NCAM1: variants seen among roughly 807,000 people sequenced by gnomAD.
The protein encoded by NCAM1 is antigen recognized by monoclonal antibody 5.1H11.
In NCAM1, 14 loss-of-function variants were observed where a neutral mutation model predicts 109.8. The observed-to-expected ratio is 0.13, with a 90% CI of 0.08 to 0.20. The LOEUF is 0.20. Among genes scored for constraint, NCAM1 ranks in the 10% least tolerant of loss-of-function variants. NCAM1 has a pLI of 1.00. For missense variants in NCAM1, 774 were observed against 1,109.9 expected, an observed-to-expected ratio of 0.70 and a Z score of 4.30; for synonymous variants, 418 against 442.9, an observed-to-expected ratio of 0.94 and a Z score of 0.70.
At chr11:113,123,264 A>G (rs1555096430) in intron 1 of NCAM1, among the ~76,000 whole-genome samples, 1 of 152,248 alleles carries the variant, frequency 6.6e-6, no homozygotes, top group East Asian at 1.9e-4. Context: ...TGGATAATCT[A>G]AACACCCTGG....
At chr11:113,155,293 G>T (rs1295675004) in intron 1 of NCAM1, among the ~76,000 whole-genome samples, 2 of 152,046 alleles carry the variant, frequency 1.3e-5, no homozygotes, top group Non-Finnish European at 2.9e-5. Flanking sequence ...CGAGGCGGGT[G>T]GATCACTTGA....
intron 1 of NCAM1, among the ~76,000 whole-genome samples, chr11:113,090,846 G>A (rs1457343910): frequency 2.0e-5 from 3 of 152,210 alleles, no homozygotes; most frequent in African/African-American, 4.8e-5. Context: ...ATGCTTACTA[G>A]CACCTACTGT....
At position 113,199,829 on chromosome 11, in the gene NCAM1, TAAAAA is replaced by T. The variant is rs1555111558; in HGVS notation, c.53-2534_53-2530del. 2.3e-3 allele frequency among the ~76,000 whole-genome samples: 271 copies of T among 115,782 alleles called. 5 individuals are homozygous for T. Among genetic ancestry groups the T allele is most frequent in the African/African-American group, 8.8e-3 (257 of 29,356 alleles). The allele number at this position is 115,782 out of a possible 152,430, so 76.0% of individuals were successfully genotyped here. ...GCAAATAAAGTAAAAGAAACACCCT[TAAAAA>T]AAAAAAAAAAAAAAACTTCTGTGAT... On this transcript the variant is annotated intron_variant, in intron 1 of 19. Coordinates refer to ENST00000316851, the MANE Select transcript of NCAM1 (RefSeq NM_181351.5).
At chr11:113,246,252 A>G in intron 14 of NCAM1, 116 bp from the exon 15 acceptor site, 1 of 630,302 alleles carries the variant, frequency 1.6e-6, no homozygotes, top group South Asian at 1.8e-5. Flanking sequence ...ATTTTTTTGT[A>G]TTTTCCATGT....
intron 1 of NCAM1, among the ~76,000 whole-genome samples, chr11:112,999,532 C>T (rs1472724092): frequency 2.0e-5 from 3 of 151,456 alleles, no homozygotes; most frequent in Admixed American, 1.3e-4. Flanking sequence ...ATGGGGCCTT[C>T]GAGTCTGTCT....
chr11:113,185,068 T>TATATATATATA lies in NCAM1; in HGVS notation c.53-17311_53-17310insATATATATATA, dbSNP rs1555108634. On this transcript the variant is annotated intron_variant, in intron 1 of 19. Coordinates refer to ENST00000316851, the MANE Select transcript of NCAM1 (RefSeq NM_181351.5). ...TATGTGTATGTGTGTGCATTTATAT[T>TATATATATATA]TATATATATATAGAGAGAGAGAGAG... Among the ~76,000 whole-genome samples, 16 of 99,616 alleles carry TATATATATATA rather than the reference T, an allele frequency of 1.6e-4. 1 individual carries two copies. The highest frequency in any genetic ancestry group is 1.5e-3 in the East Asian group (4 of 2,676). 65.4% of individuals were successfully genotyped at this position (99,616 alleles called of 152,430 possible).
chr11:113,261,363 C>T lies in NCAM1; in HGVS notation c.2131+1040C>T, dbSNP rs185745825. ...AACAAAACGGGATCAGTGTGTGGTT[C>T]CCAGTGGTTGTTTGTACATGGATGT... On this transcript the variant is annotated intron_variant, in intron 17 of 19. Coordinates refer to ENST00000316851, the MANE Select transcript of NCAM1 (RefSeq NM_181351.5). 2.6e-5 allele frequency among the ~76,000 whole-genome samples: 4 copies of T among 152,108 alleles called. No individual in the cohort carries two copies. In the East Asian group the frequency reaches 7.8e-4, roughly 30 times the overall value.
chr11:113,198,419 TG>T (rs1943922951), intron 1 of NCAM1, among the ~76,000 whole-genome samples: 1 of 151,804 alleles, frequency 6.6e-6, no homozygotes, highest in Non-Finnish European at 1.5e-5. Flanking sequence ...TCGCCCAGGC[TG>T]GAGTGCAGTG....
At chr11:113,168,146 T>C (rs1390320922) in intron 1 of NCAM1, among the ~76,000 whole-genome samples, 1 of 152,198 alleles carries the variant, frequency 6.6e-6, no homozygotes, top group Non-Finnish European at 1.5e-5. Context: ...TTAATTCAAA[T>C]CCATTTGAAG....
chr11:113,125,732 A>G (rs2012801), intron 1 of NCAM1, among the ~76,000 whole-genome samples: 100,894 of 152,094 alleles, frequency 0.66, 34,608 homozygotes, highest in Middle Eastern at 0.84. Context: ...ACCCTTTGGA[A>G]TTAAAATATT....
chr11:113,122,955 C>T (rs1238405436), intron 1 of NCAM1, among the ~76,000 whole-genome samples: 5 of 152,006 alleles, frequency 3.3e-5, no homozygotes, highest in African/African-American at 1.2e-4. Flanking sequence ...AAGTCAGGGA[C>T]AGAAAGACAA....
intron 1 of NCAM1, among the ~76,000 whole-genome samples, chr11:113,178,991 G>T (rs1204642544): frequency 6.6e-6 from 1 of 152,196 alleles, no homozygotes; most frequent in Non-Finnish European, 1.5e-5. Context: ...TTATGCCAGA[G>T]CTGCTCCACT....
At chr11:113,164,479 G>A (rs1020685699) in intron 1 of NCAM1, among the ~76,000 whole-genome samples, 1 of 152,152 alleles carries the variant, frequency 6.6e-6, no homozygotes, top group Non-Finnish European at 1.5e-5. Context: ...GTCCCAGGTT[G>A]TGACCTTTGC....
intron 1 of NCAM1, among the ~76,000 whole-genome samples, chr11:113,132,383 G>A (rs1941422545): frequency 6.6e-6 from 1 of 152,138 alleles, no homozygotes; most frequent in Admixed American, 6.5e-5. Flanking sequence ...CAAAGGACAG[G>A]TTCCTTCAAT....
At chr11:113,235,366 AGGGG>A in intron 14 of NCAM1, 1 of 1,175,038 alleles carries the variant, frequency 8.5e-7, no homozygotes, top group Non-Finnish European at 1.3e-6. Flanking sequence ...TCTTTCTCCA[AGGGG>A]TTGGGGACAC....
intron 11 of NCAM1, 110 bp from the exon 12 acceptor site, chr11:113,232,607 AT>A: frequency 1.1e-6 from 1 of 949,012 alleles, no homozygotes; most frequent in Non-Finnish European, 1.6e-6. Flanking sequence ...GGAGCTAATG[AT>A]TTATACTTTA....
At chr11:113,096,998 C>A (rs574957119) in intron 1 of NCAM1, among the ~76,000 whole-genome samples, 105 of 152,058 alleles carry the variant, frequency 6.9e-4, no homozygotes, top group African/African-American at 2.5e-3. Context: ...ATTTGTTGAA[C>A]CCCCCCTGCC....
At chr11:113,010,939 T>C (rs992742241) in intron 1 of NCAM1, among the ~76,000 whole-genome samples, 15 of 152,242 alleles carry the variant, frequency 9.9e-5, no homozygotes, top group Non-Finnish European at 1.9e-4. Flanking sequence ...GGAGGCCTTT[T>C]TGAGGGCCTT....
At chr11:113,186,932 C>T (rs1943525856) in intron 1 of NCAM1, among the ~76,000 whole-genome samples, 1 of 152,252 alleles carries the variant, frequency 6.6e-6, no homozygotes, top group African/African-American at 2.4e-5. Flanking sequence ...CCTTAGGGGA[C>T]ATGAGTGACA....
Sources: allele counts gnomAD v4.1 joint callset (sites outside exome capture counted in the v4.1 genomes callset), GRCh38; gene constraint gnomAD v4.1.1; transcripts MANE v1.5; gene names NCBI Gene and HGNC (gene_info 2026-07-23, HGNC 2026-07-21).